The following NALF1 variants were observed in gnomAD, a reference collection of about 807,000 sequenced individuals.
NALF1 encodes the protein NALCN channel auxiliary factor 1, also known as family with sequence similarity 155 member A.
In NALF1, 3 loss-of-function variants were observed where a neutral mutation model predicts 48.4. The ratio of observed to expected loss-of-function variants is 0.06; its 90% CI spans 0.03 to 0.16. The LOEUF is 0.16. Ranked by LOEUF, NALF1 falls within the 10% of genes least tolerant of loss-of-function variation. NALF1 has a pLI of 1.00. For missense variants in NALF1, 526 were observed against 571.5 expected (o/e 0.92, Z 0.81); for synonymous variants, 262 against 245.7 (o/e 1.07, Z -0.62).
chr13:107,736,756 C>T (rs1390211906), intron 1 of NALF1, among the ~76,000 whole-genome samples: 1 of 152,150 alleles, frequency 6.6e-6, no homozygotes, highest in East Asian at 1.9e-4. Flanking sequence ...ATCAAAGACT[C>T]ATAGCTAATT....
chr13:107,277,712 C>G (rs772443800), intron 1 of NALF1, among the ~76,000 whole-genome samples: 6 of 152,232 alleles, frequency 3.9e-5, no homozygotes, highest in Non-Finnish European at 7.3e-5. Context: ...TTCCCACCCA[C>G]CTACCATCAA....
At chr13:107,327,190 G>A (rs756584464) in intron 1 of NALF1, among the ~76,000 whole-genome samples, 3 of 152,242 alleles carry the variant, frequency 2.0e-5, no homozygotes, top group Non-Finnish European at 4.4e-5. Flanking sequence ...GAGAATTATA[G>A]CTTTTACCTG....
chr13:107,315,726 C>T (rs1882134660), intron 1 of NALF1, among the ~76,000 whole-genome samples: 1 of 151,908 alleles, frequency 6.6e-6, no homozygotes, highest in African/African-American at 2.4e-5. Flanking sequence ...GCTTGCTTCT[C>T]TATTTTTACT....
chr13:107,614,260 C>T (rs1379353938), intron 1 of NALF1, among the ~76,000 whole-genome samples: 2 of 152,270 alleles, frequency 1.3e-5, no homozygotes, highest in South Asian at 4.1e-4. Context: ...AATAACGCCG[C>T]CTTGTCTAAC....
chr13:107,420,554 A>G (rs1884168303), intron 1 of NALF1, among the ~76,000 whole-genome samples: 2 of 152,196 alleles, frequency 1.3e-5, no homozygotes, highest in Admixed American at 6.6e-5. Flanking sequence ...AAGTAACATC[A>G]TAGTGGTAGT....
intron 1 of NALF1, among the ~76,000 whole-genome samples, chr13:107,433,173 A>G (rs1884410596): frequency 2.0e-5 from 3 of 152,198 alleles, no homozygotes; most frequent in Non-Finnish European, 2.9e-5. Context: ...AGAATTCTGG[A>G]ACCTGTAGTT....
In NALF1 at chr13:107,166,764, C is replaced by T. The variant is rs1215231582; in HGVS notation, c.*3733G>A. 6.6e-6 allele frequency: 1 copy of T among 152,048 alleles called. No homozygotes were observed. The highest frequency in any genetic ancestry group is 1.9e-4 in the East Asian group (1 of 5,174). 9.4% of individuals were successfully genotyped at this position (152,048 alleles called of 1,614,324 possible). On this transcript the variant is annotated 3_prime_UTR_variant, in exon 3 of 3. Coordinates refer to ENST00000375915, the MANE Select transcript of NALF1 (RefSeq NM_001080396.3). ...CCTCATTCCCCGACTCTATCCCTCC[C>T]TTCTTCCCTCCCTCCCTCACTCCCC...
intron 1 of NALF1, among the ~76,000 whole-genome samples, chr13:107,814,278 CT>C (rs1258097659): frequency 4.6e-5 from 7 of 152,248 alleles, no homozygotes; most frequent in Non-Finnish European, 8.8e-5. Context: ...GACAATACCC[CT>C]ATCCATCATC....
At chr13:107,702,567 G>C (rs555978537) in intron 1 of NALF1, among the ~76,000 whole-genome samples, 1 of 152,090 alleles carries the variant, frequency 6.6e-6, no homozygotes, top group East Asian at 1.9e-4. Flanking sequence ...TTTAAGTTCA[G>C]GGGTACATGT....
At chr13:107,218,238 T>C (rs1879916514) in intron 1 of NALF1, among the ~76,000 whole-genome samples, 1 of 152,180 alleles carries the variant, frequency 6.6e-6, no homozygotes, top group Admixed American at 6.5e-5. Context: ...CTGCATTCCC[T>C]CTAGACCCTG....
rs1875529050 is a variant in NALF1 at position 107,710,308 on chromosome 13, C to CA, written c.915+155373dup. On this transcript the variant is annotated intron_variant, in intron 1 of 2. Transcript: ENST00000375915. ...AATTGCCCATTAGATAACAAGAAAC[C>CA]AAAACCAGACTGGCTCATTCTTGCT... 3.3e-5 allele frequency among the ~76,000 whole-genome samples: 5 copies of CA among 152,118 alleles called. No individual in the cohort carries two copies. In the South Asian group the frequency reaches 1.0e-3, roughly 32 times the overall value.
chr13:107,766,372 A>T (rs1484061123), intron 1 of NALF1, among the ~76,000 whole-genome samples: 3 of 152,044 alleles, frequency 2.0e-5, no homozygotes, highest in African/African-American at 7.2e-5. Flanking sequence ...TCAGAGAAAC[A>T]TTTTTTTTAA....
Position 107,253,995 on chromosome 13 carries a change from C to T in NALF1, c.916-43240G>A, listed in dbSNP as rs149669810. On this transcript the variant is annotated intron_variant, in intron 1 of 2. Transcript: ENST00000375915. Reference sequence around the variant, plus strand: ...GCTTTATGATGGCAAACACTTTGGTCGCCATGACACCCCCAGTGACAAAGT... The same window carrying T: ...GCTTTATGATGGCAAACACTTTGGTTGCCATGACACCCCCAGTGACAAAGT... Among the ~76,000 whole-genome samples the T allele has an allele frequency of 6.6e-3, 1,004 of 151,568 alleles. 5 individuals are homozygous for T. Among genetic ancestry groups the T allele is most frequent in the African/African-American group, 0.012 (503 of 41,214 alleles).
At chr13:107,460,681 T>C (rs1238073216) in intron 1 of NALF1, among the ~76,000 whole-genome samples, 1 of 152,218 alleles carries the variant, frequency 6.6e-6, no homozygotes, top group Non-Finnish European at 1.5e-5. Flanking sequence ...ATTATAATTG[T>C]ATACAGTACG....
At chr13:107,488,538 A>C (rs1885365979) in intron 1 of NALF1, among the ~76,000 whole-genome samples, 1 of 152,196 alleles carries the variant, frequency 6.6e-6, no homozygotes, top group African/African-American at 2.4e-5. Context: ...GATTATCTCA[A>C]TAGATGCAGA....
At chr13:107,738,258 G>A (rs1365439768) in intron 1 of NALF1, among the ~76,000 whole-genome samples, 1 of 152,176 alleles carries the variant, frequency 6.6e-6, no homozygotes. Flanking sequence ...TTTCTAGAAT[G>A]TTCCCCCAAT....
intron 2 of NALF1, among the ~76,000 whole-genome samples, chr13:107,180,807 C>T (rs117732604): frequency 0.018 from 2,684 of 151,780 alleles, 33 homozygotes; most frequent in Non-Finnish European, 0.032. Flanking sequence ...TTAGAAAGAG[C>T]AATTTTTAAG....
intron 1 of NALF1, among the ~76,000 whole-genome samples, chr13:107,411,462 C>T (rs572546310): frequency 6.6e-6 from 1 of 152,056 alleles, no homozygotes; most frequent in Non-Finnish European, 1.5e-5. Flanking sequence ...CAGGCATGAG[C>T]TTCCCAGCTG....
intron 1 of NALF1, among the ~76,000 whole-genome samples, chr13:107,397,228 A>G (rs1362942886): frequency 6.6e-6 from 1 of 152,146 alleles, no homozygotes. Context: ...CTCTGCAGCA[A>G]TGGGAGCTGA....
Sources: gnomAD v4.1 joint callset for allele counts (sites outside exome capture counted in the v4.1 genomes callset) on GRCh38, gnomAD v4.1.1 for gene constraint, MANE v1.5 for transcripts, NCBI Gene and HGNC (gene_info 2026-07-23, HGNC 2026-07-21) for gene names.